ERBB4: variants seen among roughly 807,000 people sequenced by gnomAD.
ERBB4 encodes the protein receptor tyrosine-protein kinase erbB-4.
Under a neutral mutation model 158.0 loss-of-function variants are expected in ERBB4, and 42 were observed. The ratio of observed to expected loss-of-function variants is 0.27; its 90% confidence interval spans 0.21 to 0.34. The LOEUF (loss-of-function observed/expected upper bound fraction) is 0.34, where lower values mean the gene tolerates loss of function less well. ERBB4 is among the 10% of genes least tolerant of loss of function. The pLI is 1.00. For synonymous variants in ERBB4, 583 were observed against 558.7 expected (o/e 1.04, Z -0.61); for missense variants, 1,333 against 1,624.1 (o/e 0.82, Z 3.08).
chr2:211,649,521 A>G (rs1328240674), intron 16 of ERBB4, among the ~76,000 whole-genome samples: 1 of 151,770 alleles, frequency 6.6e-6, no homozygotes, highest in African/African-American at 2.4e-5. Context: ...GAACTCTCGG[A>G]TTTCGGGGTC....
Position 211,388,071 on chromosome 2 carries a change from G to T in ERBB4, c.3136-79C>A, listed in dbSNP as rs183647440. 41 of 1,104,910 alleles carry T rather than the reference G, an allele frequency of 3.7e-5. No homozygotes were observed. In the African/African-American group the frequency reaches 4.6e-4, roughly 13 times the overall value. The allele number at this position is 1,104,910 out of a possible 1,614,324, so 68.4% of individuals were successfully genotyped here. A position where few individuals can be genotyped will look rare whatever the true frequency, so the allele number is the denominator to read the frequency against. On this transcript the variant is annotated intron_variant, in intron 25 of 27. Coordinates refer to ENST00000342788, the MANE Select transcript of ERBB4 (RefSeq NM_005235.3). Reference sequence around the variant, plus strand: ...AAAAATTAAAAAAAGAAACGAAAAAGAAAAGCCACATGGGTCGTATGAACC... The same window carrying T: ...AAAAATTAAAAAAAGAAACGAAAAATAAAAGCCACATGGGTCGTATGAACC...
intron 2 of ERBB4, among the ~76,000 whole-genome samples, chr2:212,014,114 T>G (rs1433692105): frequency 6.6e-6 from 1 of 152,240 alleles, no homozygotes; most frequent in Non-Finnish European, 1.5e-5. Context: ...AAACTCAGCG[T>G]TGTCACTGTG....
At chr2:211,849,651 T>A (rs1293411996) in intron 3 of ERBB4, among the ~76,000 whole-genome samples, 1 of 151,964 alleles carries the variant, frequency 6.6e-6, no homozygotes, top group Non-Finnish European at 1.5e-5. Flanking sequence ...ACTCATTATT[T>A]TTCTTTCTTT....
rs756648805 is a variant in ERBB4, at chr2:211,562,095, GA to G, written c.2302-8del. 6.2e-7 allele frequency: 1 copy of G among 1,611,120 alleles called. No homozygotes were observed. The highest frequency in any genetic ancestry group is 1.7e-5 in the Admixed American group (1 of 59,996). On this transcript the variant is annotated splice_polypyrimidine_tract_variant and splice_region_variant and intron_variant, in intron 19 of 27. Transcript: ENST00000342788. The stretch of plus-strand genomic sequence containing the variant: ...TTGCCATGATCAGAGCTTCCTGTAA[GA>G]AAAAAATGCAATACCATGATTTCAA...
chr2:212,082,378 G>T (rs2078473019), intron 2 of ERBB4, among the ~76,000 whole-genome samples: 1 of 151,962 alleles, frequency 6.6e-6, no homozygotes, highest in African/African-American at 2.4e-5. Flanking sequence ...TAGCAATATT[G>T]TTCAAATGAT....
intron 3 of ERBB4, among the ~76,000 whole-genome samples, chr2:211,877,298 T>G (rs2106135750): frequency 6.6e-6 from 1 of 152,278 alleles, no homozygotes; most frequent in African/African-American, 2.4e-5. Context: ...AACTGTGGGG[T>G]CATAACATTC....
intron 2 of ERBB4, among the ~76,000 whole-genome samples, chr2:212,093,540 CA>C: frequency 6.6e-6 from 1 of 151,882 alleles, no homozygotes; most frequent in Admixed American, 6.6e-5. Flanking sequence ...AGGATAACAG[CA>C]AAAAAAATTA....
intron 1 of ERBB4, among the ~76,000 whole-genome samples, chr2:212,470,556 T>G (rs918365439): frequency 1.3e-5 from 2 of 152,128 alleles, no homozygotes; most frequent in African/African-American, 2.4e-5. Context: ...GATATGAGAC[T>G]GGAAGATGTT....
At chr2:212,213,317 C>T (rs1477495776) in intron 1 of ERBB4, among the ~76,000 whole-genome samples, 1 of 151,978 alleles carries the variant, frequency 6.6e-6, no homozygotes, top group Non-Finnish European at 1.5e-5. Context: ...AAAGAAAGCT[C>T]AACATCACTG....
intron 12 of ERBB4, among the ~76,000 whole-genome samples, chr2:211,698,861 A>G (rs944796692): frequency 2.2e-4 from 34 of 152,206 alleles, no homozygotes; most frequent in African/African-American, 7.7e-4. Flanking sequence ...TAATTTGGTT[A>G]CTATCATAAC....
At chr2:211,988,002 A>G (rs1258399352) in intron 2 of ERBB4, among the ~76,000 whole-genome samples, 1 of 152,144 alleles carries the variant, frequency 6.6e-6, no homozygotes, top group Non-Finnish European at 1.5e-5. Flanking sequence ...AATTTCTGGT[A>G]TTTATAACTT....
intron 1 of ERBB4, among the ~76,000 whole-genome samples, chr2:212,176,564 A>G (rs1333446523): frequency 6.6e-6 from 1 of 151,972 alleles, no homozygotes; most frequent in Non-Finnish European, 1.5e-5. Context: ...GCCACCCAGT[A>G]TATGTTATTT....
chr2:211,752,136 A>G (rs940063279), intron 4 of ERBB4, among the ~76,000 whole-genome samples: 3 of 152,300 alleles, frequency 2.0e-5, no homozygotes, highest in Non-Finnish European at 4.4e-5. Context: ...CCTGAACAAT[A>G]TAACTTTAAT....
intron 1 of ERBB4, among the ~76,000 whole-genome samples, chr2:212,498,176 T>C (rs886320846): frequency 6.6e-6 from 1 of 151,924 alleles, no homozygotes. Flanking sequence ...TTTTGATGAG[T>C]GTAAAGATTT....
intron 16 of ERBB4, among the ~76,000 whole-genome samples, chr2:211,651,551 C>T (rs1256887028): frequency 1.3e-5 from 2 of 152,054 alleles, no homozygotes; most frequent in Non-Finnish European, 2.9e-5. Context: ...ATTTCTTGAC[C>T]TGAAGATAGA....
Position 211,378,892 on chromosome 2 carries a change from T to C in ERBB4, c.*4723A>G, listed in dbSNP as rs1235842533. On this transcript the variant is annotated 3_prime_UTR_variant, in exon 28 of 28. Transcript: ENST00000342788. The stretch of plus-strand genomic sequence containing the variant: ...AGAAGTTAATTTATCTGTTTCTTTT[T>C]TTTTTTTTAACAACTAGAAGCTGAT... 8.6e-6 allele frequency: 2 copies of C among 231,680 alleles called. No homozygotes were observed. Among genetic ancestry groups the C allele is most frequent in the African/African-American group, 4.4e-5 (2 of 45,188 alleles). 14.4% of individuals were successfully genotyped at this position (231,680 alleles called of 1,614,324 possible). A position where few individuals can be genotyped will look rare whatever the true frequency, so the allele number is the denominator to read the frequency against.
At chr2:212,165,724 C>T (rs993975073) in intron 1 of ERBB4, among the ~76,000 whole-genome samples, 2 of 151,962 alleles carry the variant, frequency 1.3e-5, no homozygotes, top group Non-Finnish European at 2.9e-5. Context: ...CTAAAGTCAT[C>T]CATGAGCAAC....
At chr2:212,081,777 T>C (rs532585197) in intron 2 of ERBB4, among the ~76,000 whole-genome samples, 14 of 152,276 alleles carry the variant, frequency 9.2e-5, no homozygotes, top group Admixed American at 2.6e-4. Context: ...GAATACAACA[T>C]TACATTTCCA....
At chr2:212,241,910 G>A (rs1226422452) in intron 1 of ERBB4, among the ~76,000 whole-genome samples, 2 of 151,758 alleles carry the variant, frequency 1.3e-5, no homozygotes, top group African/African-American at 4.8e-5. Flanking sequence ...TATTATATAA[G>A]TAATAAAGGC....
Sources: allele counts gnomAD v4.1 joint callset (sites outside exome capture counted in the v4.1 genomes callset), GRCh38; gene constraint gnomAD v4.1.1; transcripts MANE v1.5; gene names NCBI Gene and HGNC (gene_info 2026-07-23, HGNC 2026-07-21).